Variants in CACNA2D3 observed in about 807,000 individuals in gnomAD.
CACNA2D3 encodes the protein calcium voltage-gated channel auxiliary subunit alpha2delta 3.
CACNA2D3 carries 60 observed loss-of-function variants against 160.6 expected under a neutral mutation model. That is an observed-to-expected ratio of 0.37 (90% confidence interval 0.30 to 0.46). CACNA2D3 has a LOEUF of 0.46. Among genes scored for constraint, CACNA2D3 ranks in the 20% least tolerant of loss-of-function variants. CACNA2D3 has a pLI of 1.00. For missense variants in CACNA2D3, 1,205 were observed against 1,365.0 expected, an observed-to-expected ratio of 0.88 and a Z score of 1.85; for synonymous variants, 558 against 492.9, an observed-to-expected ratio of 1.13 and a Z score of -1.75.
At chr3:55,068,659 C>T (rs564085569) in intron 35 of CACNA2D3, among the ~76,000 whole-genome samples, 18 of 152,220 alleles carry the variant, frequency 1.2e-4, no homozygotes, top group Non-Finnish European at 2.2e-4. Flanking sequence ...CTTGGGTCTC[C>T]TTTCATGACA....
chr3:54,978,182 G>A (rs1300232869), intron 29 of CACNA2D3, among the ~76,000 whole-genome samples: 1 of 152,114 alleles, frequency 6.6e-6, no homozygotes, highest in East Asian at 1.9e-4. Flanking sequence ...CTCATCCTGT[G>A]ACACAGAATG....
At chr3:54,306,183 G>A (rs73093653) in intron 2 of CACNA2D3, among the ~76,000 whole-genome samples, 12,777 of 152,020 alleles carry the variant, frequency 0.084, 764 homozygotes, top group South Asian at 0.13. Flanking sequence ...CCCCCAACCC[G>A]AAGCTCCAAA....
intron 3 of CACNA2D3, among the ~76,000 whole-genome samples, chr3:54,323,530 G>C (rs1193811644): frequency 6.7e-6 from 1 of 149,136 alleles, no homozygotes; most frequent in Non-Finnish European, 1.5e-5. Flanking sequence ...GCAGTGATGC[G>C]ATCTCAGCTC....
chr3:54,295,164 C>T (rs990222016), intron 2 of CACNA2D3, among the ~76,000 whole-genome samples: 10 of 152,076 alleles, frequency 6.6e-5, no homozygotes, highest in African/African-American at 2.2e-4. Flanking sequence ...AGAGCTATGC[C>T]GAGAAGAGTT....
At chr3:55,014,941 A>G (rs1703296705) in intron 34 of CACNA2D3, among the ~76,000 whole-genome samples, 1 of 152,242 alleles carries the variant, frequency 6.6e-6, no homozygotes, top group Admixed American at 6.5e-5. Context: ...AAGCACATCA[A>G]GCAATTTCCA....
chr3:54,816,821 C>A, intron 13 of CACNA2D3, 32 bp from the exon 14 acceptor site: 3 of 1,608,892 alleles, frequency 1.9e-6, no homozygotes, highest in East Asian at 2.2e-5. Context: ...CAACTTTTTT[C>A]TTTTTTGTTT....
At chr3:54,815,881 T>A (rs1703436943) in intron 13 of CACNA2D3, among the ~76,000 whole-genome samples, 1 of 152,192 alleles carries the variant, frequency 6.6e-6, no homozygotes, top group African/African-American at 2.4e-5. Context: ...ATGATGTAAT[T>A]CTTAGATTGG....
intron 4 of CACNA2D3, among the ~76,000 whole-genome samples, chr3:54,450,531 A>C (rs1022801276): frequency 6.6e-6 from 1 of 151,992 alleles, no homozygotes; most frequent in Non-Finnish European, 1.5e-5. Flanking sequence ...ATCCCTCATG[A>C]ATAGATTAAT....
intron 5 of CACNA2D3, among the ~76,000 whole-genome samples, chr3:54,532,429 T>G (rs181435649): frequency 6.6e-6 from 1 of 152,350 alleles, no homozygotes; most frequent in East Asian, 1.9e-4. Context: ...TAGTGTACAT[T>G]ATACCCAATA....
chr3:54,475,751 T>C (rs1036581856), intron 4 of CACNA2D3, among the ~76,000 whole-genome samples: 2 of 151,902 alleles, frequency 1.3e-5, no homozygotes, highest in African/African-American at 4.8e-5. Context: ...TACAAAGTGA[T>C]GTTTTGATAT....
Position 54,360,162 on chromosome 3 carries a change from C to A in CACNA2D3, c.322-26553C>A, listed in dbSNP as rs543544296. The stretch of plus-strand genomic sequence containing the variant: ...TTTTCTTTTATGTATCATCTTTGCA[C>A]TGAAACTGCAGAGTTGGCCAGCAAA... On this transcript the variant is annotated intron_variant, in intron 3 of 37. Transcript: ENST00000474759. 1.6e-4 allele frequency among the ~76,000 whole-genome samples: 24 copies of A among 152,222 alleles called. No homozygotes were observed. The South Asian group carries it at 4.8e-3, about 30-fold the overall frequency.
chr3:54,154,854 C>T (rs1004885106), intron 2 of CACNA2D3, among the ~76,000 whole-genome samples: 5 of 152,090 alleles, frequency 3.3e-5, no homozygotes, highest in Non-Finnish European at 5.9e-5. Context: ...TCTGTGAAGC[C>T]AATGTCATGT....
rs539419123 is a variant in CACNA2D3 at position 54,151,388 on chromosome 3, T to C, written c.204+27794T>C. 4.7e-4 allele frequency among the ~76,000 whole-genome samples: 70 copies of C among 149,828 alleles called. 2 individuals carry two copies. Among genetic ancestry groups the C allele is most frequent in the Non-Finnish European group, 2.5e-4 (17 of 67,260 alleles). On this transcript the variant is annotated intron_variant, in intron 2 of 37. Coordinates refer to ENST00000474759, the MANE Select transcript of CACNA2D3 (RefSeq NM_018398.3). ...TGGAGTGGACAGGTGGATGAGTAGA[T>C]GGATGAATAGGTAGAGGGATGGATA...
chr3:54,700,531 T>G (rs506421), intron 11 of CACNA2D3, among the ~76,000 whole-genome samples: 150,818 of 152,342 alleles, frequency 0.99, 74,673 homozygotes, highest in East Asian at 1. Flanking sequence ...CATCATTGAA[T>G]AAAGTTCTGT....
chr3:54,769,093 C>T (rs535091897), intron 13 of CACNA2D3, among the ~76,000 whole-genome samples: 18 of 152,168 alleles, frequency 1.2e-4, no homozygotes, highest in Admixed American at 3.3e-4. Flanking sequence ...TGCCAGGACA[C>T]GAACAAACAA....
chr3:54,467,231 T>G (rs562604207), intron 4 of CACNA2D3, among the ~76,000 whole-genome samples: 11 of 152,198 alleles, frequency 7.2e-5, no homozygotes, highest in African/African-American at 2.7e-4. Flanking sequence ...CAACTGGGAC[T>G]GGTAAGAGGC....
At position 54,320,076 on chromosome 3, in the gene CACNA2D3, T is replaced by C. The variant is rs548821853; in HGVS notation, c.205-366T>C. Among the ~76,000 whole-genome samples the C allele has an allele frequency of 3.3e-5, 5 of 152,306 alleles. No homozygotes were observed. The East Asian group carries it at 9.7e-4, about 29-fold the overall frequency. On this transcript the variant is annotated intron_variant, in intron 2 of 37. Transcript: ENST00000474759. Reference sequence around the variant, plus strand: ...TTGGGATCACTTTGAGAACTGCACATTTAAACAGATAAACTACCAGGGTAT... The same window carrying C: ...TTGGGATCACTTTGAGAACTGCACACTTAAACAGATAAACTACCAGGGTAT...
intron 4 of CACNA2D3, among the ~76,000 whole-genome samples, chr3:54,402,665 G>A (rs1699490536): frequency 6.6e-6 from 1 of 152,072 alleles, no homozygotes; most frequent in Non-Finnish European, 1.5e-5. Flanking sequence ...GAAATAGACA[G>A]CAATACAATA....
intron 35 of CACNA2D3, among the ~76,000 whole-genome samples, chr3:55,018,632 T>G (rs1275983131): frequency 1.3e-5 from 2 of 152,112 alleles, no homozygotes; most frequent in African/African-American, 4.8e-5. Flanking sequence ...GAACTGTGTG[T>G]TCAAGAATGT....
Sources: gnomAD v4.1 joint callset for allele counts (sites outside exome capture counted in the v4.1 genomes callset) on GRCh38, gnomAD v4.1.1 for gene constraint, MANE v1.5 for transcripts, NCBI Gene and HGNC (gene_info 2026-07-23, HGNC 2026-07-21) for gene names.